Variants in NCLN observed in about 807,000 individuals in gnomAD.
NCLN encodes BOS complex subunit NCLN.
Under a neutral mutation model 69.5 loss-of-function variants are expected in NCLN, and 34 were observed. That is an observed-to-expected ratio of 0.49 (90% CI 0.37 to 0.65). The LOEUF is 0.65. NCLN is among the 30% of genes least tolerant of loss of function. The pLI, the probability that NCLN is intolerant of heterozygous loss-of-function variation, is 0.00. For synonymous variants in NCLN, 393 were observed against 358.3 expected (o/e 1.10, Z -1.09); for missense variants, 710 against 804.8 (o/e 0.88, Z 1.42).
At chr19:3,191,358 G>A (rs1021507484) in intron 1 of NCLN, among the ~76,000 whole-genome samples, 1 of 152,178 alleles carries the variant, frequency 6.6e-6, no homozygotes, top group Non-Finnish European at 1.5e-5. Context: ...ATAAGCCCGT[G>A]ATGGAGCGAC....
intron 9 of NCLN, 84 bp downstream of exon 9, chr19:3,204,835 G>C: frequency 2.5e-5 from 33 of 1,294,742 alleles, no homozygotes; most frequent in Non-Finnish European, 2.8e-5. Flanking sequence ...GGCCATGAGA[G>C]CCTGGAGGGA....
chr19:3,186,235 C>T (rs368731051), intron 1 of NCLN, 21 bp downstream of exon 1: 1 of 1,465,374 alleles, frequency 6.8e-7, no homozygotes, highest in Non-Finnish European at 9.0e-7. Flanking sequence ...CCGGCCCACC[C>T]TCGGGGCTCC....
chr19:3,206,651 CAT>C (rs1916280583), intron 12 of NCLN, among the ~76,000 whole-genome samples: 3 of 152,152 alleles, frequency 2.0e-5, no homozygotes, highest in Admixed American at 1.3e-4. Context: ...GACTGGCCAA[CAT>C]AGTGAAACCT....
chr19:3,188,073 G>T (rs1915715706), intron 1 of NCLN, among the ~76,000 whole-genome samples: 1 of 152,056 alleles, frequency 6.6e-6, no homozygotes, highest in Non-Finnish European at 1.5e-5. Context: ...TCTCATAGCG[G>T]CTTCCGTGGG....
intron 3 of NCLN, among the ~76,000 whole-genome samples, chr19:3,194,634 G>A (rs1915911020): frequency 6.6e-6 from 1 of 152,142 alleles, no homozygotes; most frequent in African/African-American, 2.4e-5. Context: ...CCAACCCCTG[G>A]TTTAGATTAA....
chr19:3,188,698 C>T (rs1390739410), intron 1 of NCLN, among the ~76,000 whole-genome samples: 2 of 152,270 alleles, frequency 1.3e-5, no homozygotes, highest in Admixed American at 6.5e-5. Flanking sequence ...AAGCTGGACG[C>T]AGCTTTCCCT....
At chr19:3,203,012 G>T (rs1290923440) in intron 6 of NCLN, among the ~76,000 whole-genome samples, 1 of 152,090 alleles carries the variant, frequency 6.6e-6, no homozygotes. Flanking sequence ...AATAGCCAAG[G>T]CTGTGTTCCA....
At position 3,204,062 on chromosome 19, in the gene NCLN, G is replaced by A. The variant is rs201906521; in HGVS notation, c.947G>A (p.Arg316Gln). The A allele has an allele frequency of 9.7e-5, 152 of 1,565,344 alleles. 1 individual carries two copies. The Admixed American group carries it at 2.4e-3, about 24-fold the overall frequency. The change falls in exon 8 of 15, where the codon CGG becomes CAG. Residue 316 changes from arginine to glutamine, a missense_variant. By Grantham distance (43) the Arg-to-Gln change is conservative (BLOSUM62 1). Transcript: ENST00000246117. ...AFVLCLDTVG[R>Q]GSSLHLHVSK... Reference sequence around the variant, plus strand: ...GTGCTGTGCCTGGACACCGTGGGCCGGGGCAGCAGCCTGCACCTGCACGTG... The same window carrying A: ...GTGCTGTGCCTGGACACCGTGGGCCAGGGCAGCAGCCTGCACCTGCACGTG...
rs987681202 is a variant in NCLN, at chr19:3,207,808, G to A, written c.*120G>A. 11 of 774,464 alleles carry A rather than the reference G, an allele frequency of 1.4e-5. No homozygotes were observed. The highest frequency in any genetic ancestry group is 2.7e-4 in the Middle Eastern group (1 of 3,772). 48.0% of individuals were successfully genotyped at this position (774,464 alleles called of 1,614,324 possible). A position where few individuals can be genotyped will look rare whatever the true frequency, so the allele number is the denominator to read the frequency against. On this transcript the variant is annotated 3_prime_UTR_variant, in exon 15 of 15. Coordinates refer to ENST00000246117, the MANE Select transcript of NCLN (RefSeq NM_020170.4). ...AGGGACAGGGGCCCTCTCCCTCCCC[G>A]GCGGTGGTTGGAACACTGAATTACA... is the stretch of plus-strand genomic sequence containing the variant.
chr19:3,198,859 G>A lies in NCLN; in HGVS notation c.658G>A (p.Val220Ile), dbSNP rs1379716154. ...GLGGEDLPTI[V>I]IVAHYDAFGV... ...GGGCGGAGAGGACCTTCCCACCATC[G>A]TCATCGTGGCCCACTACGACGCCTT... The change falls in exon 5 of 15, where the codon GTC becomes ATC. Residue 220 changes from valine (V) to isoleucine (I), a missense_variant. Physicochemically the swap from Val to Ile is conservative, Grantham distance 29. Transcript: ENST00000246117. The A allele has an allele frequency of 2.6e-6, 4 of 1,566,748 alleles. No homozygotes were observed. The highest frequency in any genetic ancestry group is 1.8e-5 in the Admixed American group (1 of 54,430).
intron 3 of NCLN, among the ~76,000 whole-genome samples, chr19:3,194,744 C>CTTTTTTTTTTTT (rs745406038): frequency 7.3e-6 from 1 of 136,490 alleles, no homozygotes; most frequent in Non-Finnish European, 1.6e-5. Context: ...GAGTCGTCTT[C>CTTTTTTTTTTTT]TTTTTTTTTT....
At chr19:3,199,481 C>A (rs745362796) in intron 5 of NCLN, among the ~76,000 whole-genome samples, 3 of 152,208 alleles carry the variant, frequency 2.0e-5, no homozygotes, top group Non-Finnish European at 4.4e-5. Flanking sequence ...TTCCAGACTC[C>A]GGAGGGAAGC....
At chr19:3,200,235 C>T (rs1009987856) in intron 5 of NCLN, among the ~76,000 whole-genome samples, 1 of 152,214 alleles carries the variant, frequency 6.6e-6, no homozygotes, top group African/African-American at 2.4e-5. Flanking sequence ...AGGCATGAGC[C>T]ACCGCGCCCA....
intron 4 of NCLN, 42 bp from the exon 5 acceptor site, chr19:3,198,775 C>T (rs1182951953): frequency 4.6e-6 from 7 of 1,526,726 alleles, no homozygotes; most frequent in Non-Finnish European, 6.2e-6. Context: ...GGGTCACCTG[C>T]CCCAGGAACA....
At position 3,186,015 on chromosome 19, in the gene NCLN, C is replaced by A. The variant is rs759497133; in HGVS notation, c.-16C>A. The A allele has an allele frequency of 6.5e-6, 10 of 1,532,834 alleles. No individual in the cohort carries two copies. Among genetic ancestry groups the A allele is most frequent in the Non-Finnish European group, 8.7e-6 (10 of 1,145,016 alleles). The allele number at this position is 1,532,834 out of a possible 1,614,324, so 95.0% of individuals were successfully genotyped here. A position where few individuals can be genotyped will look rare whatever the true frequency, so the allele number is the denominator to read the frequency against. On this transcript the variant is annotated 5_prime_UTR_variant, in exon 1 of 15. Coordinates refer to ENST00000246117, the MANE Select transcript of NCLN (RefSeq NM_020170.4). The stretch of plus-strand genomic sequence containing the variant: ...CGTCCCAGCTGCCGCCCCGCGCGGC[C>A]CCGCCGCCGGCCAGGATGCTGGAGG...
rs1916367422 is a variant in NCLN at position 3,209,203 on chromosome 19, G to A, written c.*1515G>A. 6.6e-6 allele frequency: 1 copy of A among 152,298 alleles called. No homozygotes were observed. Among genetic ancestry groups the A allele is most frequent in the Admixed American group, 6.5e-5 (1 of 15,290 alleles). 9.4% of individuals were successfully genotyped at this position (152,298 alleles called of 1,614,324 possible). A position where few individuals can be genotyped will look rare whatever the true frequency, so the allele number is the denominator to read the frequency against. ...CCCTCCAGAACCTGCAGCCTGGAGG[G>A]GTGAGGGGACAACCACCCCTCTTTC... is the stretch of plus-strand genomic sequence containing the variant. On this transcript the variant is annotated 3_prime_UTR_variant, in exon 15 of 15. Transcript: ENST00000246117.
At chr19:3,196,816 G>A (rs1915971706) in intron 4 of NCLN, among the ~76,000 whole-genome samples, 1 of 152,244 alleles carries the variant, frequency 6.6e-6, no homozygotes, top group African/African-American at 2.4e-5. Flanking sequence ...ACTGGCAGGG[G>A]CCTTAAAACC....
intron 3 of NCLN, among the ~76,000 whole-genome samples, chr19:3,194,899 C>T (rs886860389): frequency 4.6e-5 from 7 of 151,926 alleles, no homozygotes; most frequent in African/African-American, 1.5e-4. Context: ...GAGGGCCAGG[C>T]AAGGTGGCTC....
intron 1 of NCLN, 55 bp from the exon 2 acceptor site, chr19:3,192,415 C>G (rs1349396589): frequency 2.1e-6 from 3 of 1,454,530 alleles, no homozygotes; most frequent in South Asian, 1.3e-5. Context: ...GATCTGTCCC[C>G]TCCCGTCGGC....
Sources: allele counts gnomAD v4.1 joint callset (sites outside exome capture counted in the v4.1 genomes callset), GRCh38; gene constraint gnomAD v4.1.1; transcripts MANE v1.5; gene names NCBI Gene and HGNC (gene_info 2026-07-23, HGNC 2026-07-21).